SRGAP3: variants seen among roughly 807,000 people sequenced by gnomAD.
SRGAP3 encodes SLIT-ROBO Rho GTPase activating protein 3.
Under a neutral mutation model 121.1 loss-of-function variants are expected in SRGAP3, and 39 were observed. The observed-to-expected ratio is 0.32, with a 90% CI of 0.25 to 0.42. The LOEUF is 0.42. Among genes scored for constraint, SRGAP3 ranks in the 10% least tolerant of loss-of-function variants. SRGAP3 has a pLI of 1.00. For synonymous variants in SRGAP3, 601 were observed against 570.0 expected (o/e 1.05, Z -0.77); for missense variants, 1,213 against 1,470.6 (o/e 0.82, Z 2.86).
At chr3:9,338,328 A>G (rs1021627422) in intron 1 of SRGAP3, among the ~76,000 whole-genome samples, 4 of 152,202 alleles carry the variant, frequency 2.6e-5, no homozygotes, top group African/African-American at 9.7e-5. Flanking sequence ...CTAAATAGCC[A>G]CCAAAGGAAA....
chr3:9,136,061 C>T (rs1949635226), intron 1 of SRGAP3, among the ~76,000 whole-genome samples: 1 of 152,226 alleles, frequency 6.6e-6, no homozygotes. Flanking sequence ...GGCGCCATCT[C>T]GCGCCCCGCG....
chr3:9,060,361 T>C lies in SRGAP3; in HGVS notation c.673-2A>G. 6.2e-7 allele frequency: 1 copy of C among 1,612,960 alleles called. No individual in the cohort carries two copies. The highest frequency in any genetic ancestry group is 8.5e-7 in the Non-Finnish European group (1 of 1,179,460). The stretch of plus-strand genomic sequence containing the variant: ...GTTCTCAGAGTACTTGGCCTGCCTC[T>C]GGAAGAAGAAAAGAGTAGATGTAAG... On this transcript the variant is annotated splice_acceptor_variant, in intron 5 of 21. Transcript: ENST00000383836. LOFTEE classifies it high-confidence loss of function.
intron 18 of SRGAP3, among the ~76,000 whole-genome samples, chr3:8,997,075 C>T (rs1559870246): frequency 6.6e-6 from 1 of 152,184 alleles, no homozygotes; most frequent in East Asian, 1.9e-4. Context: ...TGTTTGCAGA[C>T]GTCGTTACAT....
intron 1 of SRGAP3, among the ~76,000 whole-genome samples, chr3:9,167,437 T>C (rs550947453): frequency 6.6e-6 from 1 of 152,214 alleles, no homozygotes; most frequent in African/African-American, 2.4e-5. Context: ...TCTACCTATG[T>C]TCCCCTGCAG....
chr3:9,346,188 G>C (rs1575023311), intron 1 of SRGAP3, among the ~76,000 whole-genome samples: 1 of 151,868 alleles, frequency 6.6e-6, no homozygotes, highest in African/African-American at 2.4e-5. Context: ...AATTTTCAAG[G>C]ATTTTTTTTT....
At chr3:9,047,975 G>A (rs1221089553) in intron 9 of SRGAP3, among the ~76,000 whole-genome samples, 1 of 152,250 alleles carries the variant, frequency 6.6e-6, no homozygotes, top group African/African-American at 2.4e-5. Flanking sequence ...GGGGCTTGCA[G>A]GCCCCTGAGA....
chr3:9,196,406 T>C (rs2125149273), intron 1 of SRGAP3, among the ~76,000 whole-genome samples: 1 of 152,376 alleles, frequency 6.6e-6, no homozygotes, highest in African/African-American at 2.4e-5. Flanking sequence ...AGGTCGTCTT[T>C]GGATCATTTA....
chr3:9,163,756 G>A (rs1950683282), intron 1 of SRGAP3, among the ~76,000 whole-genome samples: 1 of 152,140 alleles, frequency 6.6e-6, no homozygotes. Context: ...GGGTGAGTCA[G>A]AGACCCTGGG....
chr3:9,173,808 G>A (rs143002361), intron 1 of SRGAP3, among the ~76,000 whole-genome samples: 11 of 151,972 alleles, frequency 7.2e-5, no homozygotes, highest in South Asian at 2.1e-4. Flanking sequence ...TTCCCATCAC[G>A]GGACATATTG....
chr3:8,998,460 C>G (rs547493762), intron 18 of SRGAP3, among the ~76,000 whole-genome samples: 2 of 152,234 alleles, frequency 1.3e-5, no homozygotes, highest in East Asian at 3.9e-4. Context: ...TGCTTTATTT[C>G]TCTTCATGGC....
At chr3:9,276,002 C>T (rs1954568432) in intron 3 of SRGAP3, among the ~76,000 whole-genome samples, 1 of 151,878 alleles carries the variant, frequency 6.6e-6, no homozygotes. Context: ...GAGTTTGAGA[C>T]AAGCCTGGGC....
intron 3 of SRGAP3, among the ~76,000 whole-genome samples, chr3:9,261,270 C>T (rs1249636214): frequency 6.6e-6 from 1 of 152,082 alleles, no homozygotes; most frequent in Non-Finnish European, 1.5e-5. Flanking sequence ...CTGAAAATTC[C>T]AAAAACCAGA....
At chr3:9,050,996 C>A in intron 9 of SRGAP3, among the ~76,000 whole-genome samples, 1 of 143,412 alleles carries the variant, frequency 7.0e-6, no homozygotes, top group Non-Finnish European at 1.5e-5. Context: ...GACTACAATC[C>A]AATCAATATT....
At chr3:9,121,756 G>C (rs1381634442) in intron 2 of SRGAP3, among the ~76,000 whole-genome samples, 1 of 152,218 alleles carries the variant, frequency 6.6e-6, no homozygotes, top group Non-Finnish European at 1.5e-5. Flanking sequence ...TGCACACTGA[G>C]AATGGGAAGA....
At chr3:9,303,571 G>A (rs982829945) in intron 3 of SRGAP3, among the ~76,000 whole-genome samples, 2 of 151,994 alleles carry the variant, frequency 1.3e-5, no homozygotes, top group African/African-American at 4.8e-5. Flanking sequence ...TTTTATCCTT[G>A]TTGATTTAGC....
chr3:9,035,519 G>C, intron 11 of SRGAP3: 1 of 182,888 alleles, frequency 5.5e-6, no homozygotes, highest in Non-Finnish European at 1.2e-5. Flanking sequence ...GCTGGGTGGG[G>C]CACAAAGTGG....
intron 3 of SRGAP3, among the ~76,000 whole-genome samples, chr3:9,271,296 C>T (rs1050946122): frequency 3.9e-5 from 6 of 152,116 alleles, no homozygotes; most frequent in Non-Finnish European, 5.9e-5. Flanking sequence ...ATCACACCAC[C>T]GCACTCCAGC....
chr3:9,294,695 C>CGTGTGTGTGTGT (rs753452580), intron 3 of SRGAP3, among the ~76,000 whole-genome samples: 8,582 of 119,742 alleles, frequency 0.072, 512 homozygotes, highest in Non-Finnish European at 0.095. Context: ...TTGAAGCTTT[C>CGTGTGTGTGTGT]GTGTGTGTGT....
intron 11 of SRGAP3, chr3:9,037,171 T>C (rs1031098110): frequency 6.6e-6 from 1 of 152,202 alleles, no homozygotes; most frequent in Non-Finnish European, 1.5e-5. Context: ...AAAGAAAGAA[T>C]GCCCTCAGGT....
Sources: allele counts gnomAD v4.1 joint callset (sites outside exome capture counted in the v4.1 genomes callset), GRCh38; gene constraint gnomAD v4.1.1; transcripts MANE v1.5; gene names NCBI Gene and HGNC (gene_info 2026-07-23, HGNC 2026-07-21).